Variants in KIDINS220 observed in about 807,000 individuals in gnomAD.
KIDINS220 encodes kinase D interacting substrate 220.
A neutral mutation model predicts 157.6 loss-of-function variants in KIDINS220; 63 were observed. The observed-to-expected ratio is 0.40, with a 90% CI of 0.33 to 0.49. The LOEUF is 0.49. Ranked by LOEUF, KIDINS220 falls within the 20% of genes least tolerant of loss-of-function variation. The pLI is 0.66. For missense variants in KIDINS220, 1,772 were observed against 2,171.2 expected (o/e 0.82, Z 3.65); for synonymous variants, 732 against 783.6 (o/e 0.93, Z 1.10).
At chr2:8,815,308 G>C (rs1462731124) in intron 4 of KIDINS220, among the ~76,000 whole-genome samples, 1 of 151,818 alleles carries the variant, frequency 6.6e-6, no homozygotes, top group Non-Finnish European at 1.5e-5. Flanking sequence ...AGCTGAAATG[G>C]GAGGATCGCT....
chr2:8,770,196 G>C (rs1173342529), intron 22 of KIDINS220, among the ~76,000 whole-genome samples: 2 of 152,000 alleles, frequency 1.3e-5, no homozygotes, highest in Admixed American at 6.6e-5. Flanking sequence ...TTGAGCCCAG[G>C]AGTTTAAGAC....
chr2:8,730,072 C>T lies in KIDINS220; in HGVS notation c.*648G>A. The T allele has an allele frequency of 3.0e-6, 3 of 985,536 alleles. No individual in the cohort carries two copies. Among genetic ancestry groups the T allele is most frequent in the Non-Finnish European group, 3.6e-6 (3 of 830,010 alleles). 61.0% of individuals were successfully genotyped at this position (985,536 alleles called of 1,614,324 possible). On this transcript the variant is annotated 3_prime_UTR_variant, in exon 30 of 30. Transcript: ENST00000256707. Reference sequence around the variant, plus strand: ...AGGTCACCAGCCCTCCCCGCATCTACTCTCCTAACAGCTCAGGACAGCCCC... The same window carrying T: ...AGGTCACCAGCCCTCCCCGCATCTATTCTCCTAACAGCTCAGGACAGCCCC...
chr2:8,778,000 T>A (rs954858252), intron 20 of KIDINS220, among the ~76,000 whole-genome samples: 4 of 152,148 alleles, frequency 2.6e-5, no homozygotes, highest in African/African-American at 9.7e-5. Context: ...GAAAAAAACA[T>A]AATGCCAATA....
Position 8,779,002 on chromosome 2 carries a change from G to A in KIDINS220, c.2508C>T (p.Asn836=), listed in dbSNP as rs1314116896. The change falls in exon 19 of 30, where the codon AAC becomes AAT. Residue 836 remains asparagine (N), a synonymous_variant. Transcript: ENST00000256707. ...SNINGHDYMR[N]IVHLPVFLNS... ...TAAGGAACACAGGCAAGTGGACTAT[G>A]TTGCGCATGTAGTCATGGCCATTTA... 6.2e-7 allele frequency: 1 copy of A among 1,614,148 alleles called. No homozygotes were observed. The highest frequency in any genetic ancestry group is 8.5e-7 in the Non-Finnish European group (1 of 1,180,024).
intron 17 of KIDINS220, among the ~76,000 whole-genome samples, chr2:8,782,140 A>T (rs544358982): frequency 1.2e-3 from 183 of 152,066 alleles, no homozygotes; most frequent in African/African-American, 3.9e-3. Flanking sequence ...AAAATAAAAT[A>T]AAATTAATAA....
intron 1 of KIDINS220, among the ~76,000 whole-genome samples, chr2:8,836,414 G>A (rs1680407710): frequency 6.6e-6 from 1 of 152,208 alleles, no homozygotes; most frequent in Non-Finnish European, 1.5e-5. Flanking sequence ...CACACAAAGG[G>A]TGTAGAACAA....
chr2:8,731,228 A>C lies in KIDINS220; in HGVS notation c.4808T>G (p.Val1603Gly). The C allele has an allele frequency of 6.2e-7, 1 of 1,614,146 alleles. No individual in the cohort carries two copies. The highest frequency in any genetic ancestry group is 8.5e-7 in the Non-Finnish European group (1 of 1,180,036). ...CTTTTCAAGCTGGGAGTCATCCGCC[A>C]CTTCATTGTGCAGAGAGTGATTGGG... ...SSPNHSLHNEVADDSQLEKAN... is the reference protein window; with the variant it reads ...SSPNHSLHNEGADDSQLEKAN... Residue 1603 changes from valine to glycine, a missense_variant, in exon 30 of 30, where the codon GTG (valine) becomes GGG (glycine). Transcript: ENST00000256707. The surrounding 1 kb of genome is among the most constrained non-coding windows in gnomAD (Gnocchi z 5.2).
intron 5 of KIDINS220, 119 bp downstream of exon 5, chr2:8,813,118 A>T: frequency 1.7e-6 from 1 of 595,084 alleles, no homozygotes; most frequent in Non-Finnish European, 3.0e-6. Context: ...ATTCTATGTT[A>T]CGTTTAATAA....
intron 22 of KIDINS220, among the ~76,000 whole-genome samples, chr2:8,761,958 T>C (rs1164783333): frequency 6.6e-6 from 1 of 152,194 alleles, no homozygotes; most frequent in Non-Finnish European, 1.5e-5. Context: ...AAAATCAACT[T>C]CTGGAAAAAG....
intron 2 of KIDINS220, among the ~76,000 whole-genome samples, chr2:8,822,931 G>A (rs1410378776): frequency 2.0e-5 from 3 of 152,138 alleles, no homozygotes; most frequent in Non-Finnish European, 4.4e-5. Flanking sequence ...GCAATTATGT[G>A]CTAATAAGCA....
At chr2:8,802,058 C>T (rs1406293698) in intron 8 of KIDINS220, among the ~76,000 whole-genome samples, 2 of 152,268 alleles carry the variant, frequency 1.3e-5, no homozygotes, top group East Asian at 3.9e-4. Flanking sequence ...ACAGCAGGAA[C>T]AAGCTCAGTG....
intron 26 of KIDINS220, among the ~76,000 whole-genome samples, chr2:8,741,684 C>A (rs959661718): frequency 2.7e-4 from 41 of 152,288 alleles, no homozygotes; most frequent in African/African-American, 9.4e-4. Context: ...TCTAGGATTT[C>A]ATAACATTAC....
chr2:8,817,519 TTATAA>T, intron 4 of KIDINS220, 94 bp downstream of exon 4: 2 of 692,136 alleles, frequency 2.9e-6, no homozygotes, highest in Non-Finnish European at 4.5e-6. Context: ...AAAAACATTA[TTATAA>T]TATCATTTCA....
intron 15 of KIDINS220, among the ~76,000 whole-genome samples, chr2:8,786,866 C>T (rs952321504): frequency 6.6e-6 from 1 of 152,198 alleles, no homozygotes; most frequent in African/African-American, 2.4e-5. Flanking sequence ...TTTATAGCTT[C>T]CACGTCTACC....
At chr2:8,835,909 T>G (rs895167026) in intron 1 of KIDINS220, among the ~76,000 whole-genome samples, 1 of 152,006 alleles carries the variant, frequency 6.6e-6, no homozygotes, top group African/African-American at 2.4e-5. Context: ...CTATAAAAAT[T>G]AATCTGGCAG....
intron 4 of KIDINS220, among the ~76,000 whole-genome samples, 153 bp from the exon 5 acceptor site, chr2:8,813,488 A>G (rs1344362218): frequency 6.6e-6 from 1 of 152,268 alleles, no homozygotes; most frequent in Non-Finnish European, 1.5e-5. Context: ...GGCTCCCCAA[A>G]TACAATAGTA....
chr2:8,749,437 G>C, intron 24 of KIDINS220: 2 of 455,908 alleles, frequency 4.4e-6, no homozygotes, highest in Non-Finnish European at 8.8e-6. Flanking sequence ...GGAAATATTA[G>C]TGTTTGAGGT....
At chr2:8,778,498 G>A (rs568351105) in intron 20 of KIDINS220, 141 bp downstream of exon 20, 3 of 705,024 alleles carry the variant, frequency 4.3e-6, no homozygotes, top group Non-Finnish European at 7.6e-6. Flanking sequence ...AACACATGAA[G>A]CTGAAAGGAA....
At chr2:8,823,213 A>G (rs894592431) in intron 2 of KIDINS220, among the ~76,000 whole-genome samples, 3 of 152,114 alleles carry the variant, frequency 2.0e-5, no homozygotes, top group African/African-American at 7.2e-5. Flanking sequence ...TCAGCCTCTC[A>G]AAGTGCTGGG....
Sources: allele counts gnomAD v4.1 joint callset (sites outside exome capture counted in the v4.1 genomes callset), GRCh38; gene constraint gnomAD v4.1.1; non-coding constraint Gnocchi (gnomAD v3.1); transcripts MANE v1.5; gene names NCBI Gene and HGNC (gene_info 2026-07-23, HGNC 2026-07-21).